BRINP1: variants seen among roughly 807,000 people sequenced by gnomAD.
BRINP1 encodes BMP/retinoic acid inducible neural specific 1, also known as BMP/retinoic acid-inducible neural-specific protein 1.
A neutral mutation model predicts 72.9 loss-of-function variants in BRINP1; 17 were observed. The ratio of observed to expected loss-of-function variants is 0.23; its 90% confidence interval spans 0.16 to 0.35. BRINP1 has a LOEUF of 0.35. BRINP1 is among the 10% of genes least tolerant of loss of function. The pLI, the probability that BRINP1 is intolerant of heterozygous loss-of-function variation, is 1.00. For synonymous variants in BRINP1, 418 were observed against 378.5 expected, an observed-to-expected ratio of 1.10 and a Z score of -1.21; for missense variants, 850 against 1,001.6, an observed-to-expected ratio of 0.85 and a Z score of 2.04.
In BRINP1 at chr9:119,296,706, T is replaced by C. The variant is rs146461742; in HGVS notation, c.218+16432A>G. Among the ~76,000 whole-genome samples the C allele has an allele frequency of 1.9e-3, 290 of 152,304 alleles. 2 individuals carry two copies. The Middle Eastern group carries it at 0.024, about 13-fold the overall frequency. ...CTTTAAAAAGAAAGAAATCCTGCCA[T>C]TTGTAACATGTATGGGCCTGGAGGA... On this transcript the variant is annotated intron_variant, in intron 2 of 7. Coordinates refer to ENST00000265922, the MANE Select transcript of BRINP1 (RefSeq NM_014618.3).
At chr9:119,215,366 GAGA>G (rs1187378582) in intron 5 of BRINP1, among the ~76,000 whole-genome samples, 1 of 152,240 alleles carries the variant, frequency 6.6e-6, no homozygotes, top group Admixed American at 6.5e-5. Flanking sequence ...GGTGCCCAGA[GAGA>G]AGGACAGATC....
At position 119,286,523 on chromosome 9, in the gene BRINP1, T is replaced by C. The variant is rs146625001; in HGVS notation, c.218+26615A>G. The stretch of plus-strand genomic sequence containing the variant: ...TGATGGGATTAAAGGCGTGAGCCAC[T>C]GCGCCCGGCCATCGCCATCATCATT... On this transcript the variant is annotated intron_variant, in intron 2 of 7. Coordinates refer to ENST00000265922, the MANE Select transcript of BRINP1 (RefSeq NM_014618.3). Among the ~76,000 whole-genome samples the C allele has an allele frequency of 8.1e-3, 1,234 of 152,358 alleles. 15 individuals carry two copies. The highest frequency in any genetic ancestry group is 0.029 in the African/African-American group (1,192 of 41,596).
Position 119,194,641 on chromosome 9 carries a change from A to G in BRINP1, c.1145+14078T>C, listed in dbSNP as rs117143381. Reference sequence around the variant, plus strand: ...TTTGAAGATGAAGAGGACCTTGTGCAAGGCCTGGAGAAGGGCCCCTAGCCA... The same window carrying G: ...TTTGAAGATGAAGAGGACCTTGTGCGAGGCCTGGAGAAGGGCCCCTAGCCA... On this transcript the variant is annotated intron_variant, in intron 7 of 7. Transcript: ENST00000265922. 3.8e-4 allele frequency among the ~76,000 whole-genome samples: 58 copies of G among 152,342 alleles called. No individual in the cohort carries two copies. The East Asian group carries it at 8.3e-3, about 22-fold the overall frequency.
chr9:119,187,602 G>A (rs571365378), intron 7 of BRINP1, among the ~76,000 whole-genome samples: 7 of 151,026 alleles, frequency 4.6e-5, no homozygotes, highest in East Asian at 2.0e-4. Context: ...AATTATAATC[G>A]GTGATTGTCC....
chr9:119,308,983 A>C (rs1004263877), intron 2 of BRINP1, among the ~76,000 whole-genome samples: 1 of 151,996 alleles, frequency 6.6e-6, no homozygotes, highest in East Asian at 1.9e-4. Flanking sequence ...GAAAAAAAAA[A>C]ACAGAAAATA....
intron 1 of BRINP1, among the ~76,000 whole-genome samples, chr9:119,336,005 G>A (rs908863717): frequency 6.6e-6 from 1 of 152,182 alleles, no homozygotes; most frequent in African/African-American, 2.4e-5. Flanking sequence ...TGTCCAGGGA[G>A]GTAGTTATTG....
chr9:119,219,992 TCTGA>T lies in BRINP1; in HGVS notation c.686-5841_686-5838del, dbSNP rs532861441. 1.4e-3 allele frequency among the ~76,000 whole-genome samples: 213 copies of T among 152,262 alleles called. 1 individual carries two copies. Among genetic ancestry groups the T allele is most frequent in the African/African-American group, 4.8e-3 (200 of 41,552 alleles). On this transcript the variant is annotated intron_variant, in intron 5 of 7. Coordinates refer to ENST00000265922, the MANE Select transcript of BRINP1 (RefSeq NM_014618.3). ...AATCAACTTGGCCCTCACATTTCTT[TCTGA>T]CTAAGGTTCGTCTTCTTTTGTTTGT...
chr9:119,200,648 A>T (rs1588162246), intron 7 of BRINP1, among the ~76,000 whole-genome samples: 1 of 150,650 alleles, frequency 6.6e-6, no homozygotes, highest in East Asian at 1.9e-4. Flanking sequence ...AAAAAAAAAA[A>T]AAGAAAGAAA....
intron 1 of BRINP1, among the ~76,000 whole-genome samples, chr9:119,324,052 G>A (rs1831214678): frequency 6.6e-6 from 1 of 152,150 alleles, no homozygotes; most frequent in African/African-American, 2.4e-5. Flanking sequence ...TGGGTGAAAA[G>A]AAGCAAGTGG....
chr9:119,171,225 T>C (rs1369398773), intron 7 of BRINP1, among the ~76,000 whole-genome samples: 2 of 148,784 alleles, frequency 1.3e-5, no homozygotes, highest in African/African-American at 5.0e-5. Context: ...GTGTGCTGTA[T>C]TCAGGAAACC....
chr9:119,223,136 C>G (rs1830057757), intron 5 of BRINP1, among the ~76,000 whole-genome samples: 2 of 152,060 alleles, frequency 1.3e-5, no homozygotes, highest in African/African-American at 4.8e-5. Context: ...CTTGAAGAAG[C>G]TAAGAGGCTT....
At chr9:119,251,477 G>A (rs971405209) in intron 2 of BRINP1, among the ~76,000 whole-genome samples, 8 of 152,268 alleles carry the variant, frequency 5.3e-5, no homozygotes, top group South Asian at 2.1e-4. Context: ...GAATGGTGGT[G>A]CACGCCTGTA....
Position 119,369,036 on chromosome 9 carries a change from T to C in BRINP1, c.-51+20A>G. ...CAAGGGCAGCGGGGCTGCGGGGCGCTGCACCCGGCGCCGCCTTACCTGGAG... is the reference window on the plus strand; with the variant it reads ...CAAGGGCAGCGGGGCTGCGGGGCGCCGCACCCGGCGCCGCCTTACCTGGAG... On this transcript the variant is annotated intron_variant, in intron 1 of 7. Coordinates refer to ENST00000265922, the MANE Select transcript of BRINP1 (RefSeq NM_014618.3). 1 of 393,988 alleles carries C rather than the reference T, an allele frequency of 2.5e-6. No homozygotes were observed. The highest frequency in any genetic ancestry group is 4.5e-6 in the Non-Finnish European group (1 of 223,538). The allele number at this position is 393,988 out of a possible 1,614,324, so 24.4% of individuals were successfully genotyped here. A position where few individuals can be genotyped will look rare whatever the true frequency, so the allele number is the denominator to read the frequency against.
chr9:119,242,401 T>A (rs1165393300), intron 3 of BRINP1, among the ~76,000 whole-genome samples, 185 bp from the exon 4 acceptor site: 1 of 152,152 alleles, frequency 6.6e-6, no homozygotes, highest in Non-Finnish European at 1.5e-5. Context: ...AACACCAGGC[T>A]TCATTAGGAC....
In BRINP1 at chr9:119,368,142, C is replaced by T. The variant is rs1377405178; in HGVS notation, c.-51+914G>A. ...GGGGATCCATGCAAACTTGCCAGAT[C>T]CTCCCCAAAACCAACAGAAGCCGGA... On this transcript the variant is annotated intron_variant, in intron 1 of 7. Coordinates refer to ENST00000265922, the MANE Select transcript of BRINP1 (RefSeq NM_014618.3). The surrounding 1 kb of genome is among the most constrained non-coding windows in gnomAD (Gnocchi z 4.7). 2.0e-5 allele frequency among the ~76,000 whole-genome samples: 3 copies of T among 152,194 alleles called. No homozygotes were observed. Among genetic ancestry groups the T allele is most frequent in the Non-Finnish European group, 4.4e-5 (3 of 68,042 alleles).
At chr9:119,323,108 G>T (rs997491193) in intron 1 of BRINP1, among the ~76,000 whole-genome samples, 11 of 152,110 alleles carry the variant, frequency 7.2e-5, no homozygotes, top group Non-Finnish European at 1.6e-4. Context: ...GCCTCTGACA[G>T]TGCTGAGCCC....
intron 1 of BRINP1, among the ~76,000 whole-genome samples, chr9:119,338,334 A>T (rs1449859474): frequency 6.9e-6 from 1 of 144,708 alleles, no homozygotes; most frequent in Non-Finnish European, 1.5e-5. Context: ...ATCATGCATT[A>T]CGTCCCAGGC....
chr9:119,235,585 C>T (rs62567664), intron 5 of BRINP1, among the ~76,000 whole-genome samples: 27,795 of 152,110 alleles, frequency 0.18, 2,823 homozygotes, highest in Non-Finnish European at 0.24. Flanking sequence ...AGCTCATCTT[C>T]TCTAATAGAA....
chr9:119,171,036 T>C (rs1400254386), intron 7 of BRINP1, among the ~76,000 whole-genome samples: 1 of 143,058 alleles, frequency 7.0e-6, no homozygotes, highest in Non-Finnish European at 1.5e-5. Context: ...CATGCCAAAA[T>C]GTAAAGACCA....
Sources: allele counts gnomAD v4.1 joint callset (sites outside exome capture counted in the v4.1 genomes callset), GRCh38; gene constraint gnomAD v4.1.1; non-coding constraint Gnocchi (gnomAD v3.1); transcripts MANE v1.5; gene names NCBI Gene and HGNC (gene_info 2026-07-23, HGNC 2026-07-21).